Variants in PHACTR1 observed in about 807,000 individuals in gnomAD.
PHACTR1 encodes the protein phosphatase and actin regulator 1, also known as RPEL repeat containing 1.
Under a neutral mutation model 69.2 loss-of-function variants are expected in PHACTR1, and 16 were observed. That is an observed-to-expected ratio of 0.23 (90% CI 0.16 to 0.35). PHACTR1 has a LOEUF of 0.35. Among genes scored for constraint, PHACTR1 ranks in the 10% least tolerant of loss-of-function variants. The pLI, the probability that PHACTR1 is intolerant of heterozygous loss-of-function variation, is 1.00. For missense variants in PHACTR1, 510 were observed against 734.7 expected (o/e 0.69, Z 3.54); for synonymous variants, 312 against 284.5 (o/e 1.10, Z -0.97).
chr6:12,763,947 A>G (rs542429779), intron 4 of PHACTR1, among the ~76,000 whole-genome samples: 2 of 152,178 alleles, frequency 1.3e-5, no homozygotes, highest in African/African-American at 4.8e-5. Context: ...TATTGTTTGG[A>G]AAAAAAGCCC....
intron 4 of PHACTR1, among the ~76,000 whole-genome samples, chr6:13,003,166 A>G (rs893801352): frequency 2.0e-5 from 3 of 152,238 alleles, no homozygotes; most frequent in Admixed American, 6.5e-5. Context: ...AGGACTTCAC[A>G]TAGTTAAAAT....
intron 3 of PHACTR1, among the ~76,000 whole-genome samples, chr6:12,730,955 C>T (rs748144201): frequency 2.6e-5 from 4 of 151,950 alleles, no homozygotes; most frequent in Non-Finnish European, 5.9e-5. Context: ...GGTACATATA[C>T]ACCATGGAAT....
In PHACTR1 at chr6:13,283,208, C is replaced by T. The variant is rs907532636; in HGVS notation, c.1510-214C>T. 17 of 503,660 alleles carry T rather than the reference C, an allele frequency of 3.4e-5. No homozygotes were observed. Among genetic ancestry groups the T allele is most frequent in the Middle Eastern group, 5.4e-4 (1 of 1,862 alleles). The allele number at this position is 503,660 out of a possible 1,614,324, so 31.2% of individuals were successfully genotyped here. A position where few individuals can be genotyped will look rare whatever the true frequency, so the allele number is the denominator to read the frequency against. ...AGGGTATGTAAGGGATAACAAAGCTCTCTCTTAGGACCTAGAAACGTCCCA... is the reference window on the plus strand; with the variant it reads ...AGGGTATGTAAGGGATAACAAAGCTTTCTCTTAGGACCTAGAAACGTCCCA... On this transcript the variant is annotated intron_variant, in intron 12 of 14. Coordinates refer to ENST00000332995, the MANE Select transcript of PHACTR1 (RefSeq NM_030948.6). This position sits in a 1 kb window ranked among gnomAD's most constrained non-coding sequence, Gnocchi z 4.7.
At chr6:13,093,308 C>T (rs1393939843) in intron 5 of PHACTR1, among the ~76,000 whole-genome samples, 1 of 152,126 alleles carries the variant, frequency 6.6e-6, no homozygotes, top group Non-Finnish European at 1.5e-5. Flanking sequence ...GCATATATTG[C>T]AACAACTTAA....
At chr6:13,217,629 A>AC (rs150257921) in intron 8 of PHACTR1, among the ~76,000 whole-genome samples, 2,348 of 152,262 alleles carry the variant, frequency 0.015, 55 homozygotes, top group African/African-American at 0.054. Context: ...GAAAAAAAAA[A>AC]CTCAAAATAC....
chr6:13,226,760 A>G (rs1769802096), intron 8 of PHACTR1, among the ~76,000 whole-genome samples: 1 of 143,464 alleles, frequency 7.0e-6, no homozygotes. Context: ...TTTTTTTGAG[A>G]TGGAGTCTCG....
chr6:12,993,707 A>T (rs182844120), intron 4 of PHACTR1, among the ~76,000 whole-genome samples: 2 of 152,238 alleles, frequency 1.3e-5, no homozygotes, highest in African/African-American at 4.8e-5. Context: ...AGAGGCAGGA[A>T]ATTCCCTATG....
intron 5 of PHACTR1, among the ~76,000 whole-genome samples, chr6:13,060,993 AGGGT>A (rs1223650904): frequency 6.6e-6 from 1 of 152,216 alleles, no homozygotes; most frequent in Non-Finnish European, 1.5e-5. Context: ...AGGTGTTGGC[AGGGT>A]GGGTTCCTTC....
At chr6:13,153,947 G>C (rs1002083339) in intron 5 of PHACTR1, among the ~76,000 whole-genome samples, 3 of 152,018 alleles carry the variant, frequency 2.0e-5, no homozygotes, top group African/African-American at 7.2e-5. Context: ...TTTAACTAAT[G>C]CTTTTGCTAT....
At chr6:13,196,741 G>A (rs1265701497) in intron 7 of PHACTR1, among the ~76,000 whole-genome samples, 2 of 152,142 alleles carry the variant, frequency 1.3e-5, no homozygotes, top group African/African-American at 2.4e-5. Context: ...TTTCAATACC[G>A]ATGTAGTGCG....
intron 5 of PHACTR1, among the ~76,000 whole-genome samples, chr6:13,144,769 T>C (rs1485812519): frequency 3.9e-5 from 1 of 25,782 alleles, no homozygotes; most frequent in Non-Finnish European, 9.1e-5. Flanking sequence ...AGACCCTGTC[T>C]CAGAAAAAAA....
rs189042784 is a variant in PHACTR1, at chr6:13,041,887, A to G, written c.251-11478A>G. On this transcript the variant is annotated intron_variant, in intron 4 of 14. Coordinates refer to ENST00000332995, the MANE Select transcript of PHACTR1 (RefSeq NM_030948.6). The stretch of plus-strand genomic sequence containing the variant: ...AACTTTGTGTGAGTTGCCACATTCT[A>G]GGCAAATCCCTTGACTCCTCTGTGT... 2.2e-3 allele frequency among the ~76,000 whole-genome samples: 341 copies of G among 152,252 alleles called. 2 individuals are homozygous for G. Among genetic ancestry groups the G allele is most frequent in the South Asian group, 7.5e-3 (36 of 4,806 alleles).
intron 4 of PHACTR1, among the ~76,000 whole-genome samples, chr6:13,008,190 A>G (rs1215035483): frequency 1.3e-5 from 2 of 152,216 alleles, no homozygotes; most frequent in Non-Finnish European, 2.9e-5. Context: ...AAGCCAAAGG[A>G]ACTTTCGCTT....
Position 12,863,961 on chromosome 6 carries a change from A to G in PHACTR1, c.250+114171A>G, listed in dbSNP as rs1157025730. Among the ~76,000 whole-genome samples, 4 of 152,196 alleles carry G rather than the reference A, an allele frequency of 2.6e-5. No homozygotes were observed. In the East Asian group the frequency reaches 7.7e-4, roughly 29 times the overall value. Reference sequence around the variant, plus strand: ...CGTAGGAAAGGTAAATGGGTAGTAGAGAGGATACAGTTGTTCGAGTTTCAT... The same window carrying G: ...CGTAGGAAAGGTAAATGGGTAGTAGGGAGGATACAGTTGTTCGAGTTTCAT... On this transcript the variant is annotated intron_variant, in intron 4 of 14. Transcript: ENST00000332995.
intron 8 of PHACTR1, among the ~76,000 whole-genome samples, chr6:13,226,296 T>G (rs574874961): frequency 2.0e-5 from 3 of 152,212 alleles, no homozygotes; most frequent in Non-Finnish European, 4.4e-5. Context: ...GGAAGTTAAT[T>G]GAATTTACAT....
chr6:13,149,374 CA>C (rs1823950674), intron 5 of PHACTR1, among the ~76,000 whole-genome samples: 2 of 152,104 alleles, frequency 1.3e-5, no homozygotes, highest in Non-Finnish European at 2.9e-5. Context: ...TGGCATTTCC[CA>C]AAATTATTTG....
At chr6:12,756,265 TCTTGTAAGGGC>T (rs1282551757) in intron 4 of PHACTR1, among the ~76,000 whole-genome samples, 3 of 152,176 alleles carry the variant, frequency 2.0e-5, no homozygotes, top group Non-Finnish European at 4.4e-5. Context: ...ACAGCCAATG[TCTTGTAAGGGC>T]CTGAAAGAAC....
At chr6:13,200,358 G>T in intron 7 of PHACTR1, among the ~76,000 whole-genome samples, 1 of 152,028 alleles carries the variant, frequency 6.6e-6, no homozygotes, top group East Asian at 1.9e-4. Flanking sequence ...TTGCAGGCAC[G>T]TGCCACCACG....
intron 5 of PHACTR1, among the ~76,000 whole-genome samples, chr6:13,146,343 A>G (rs886782652): frequency 2.6e-5 from 4 of 152,240 alleles, no homozygotes; most frequent in Non-Finnish European, 4.4e-5. Context: ...ATAGCTATGC[A>G]TAGTTATGAT....
Sources: gnomAD v4.1 joint callset for allele counts (sites outside exome capture counted in the v4.1 genomes callset) on GRCh38, gnomAD v4.1.1 for gene constraint, Gnocchi (gnomAD v3.1) non-coding constraint, MANE v1.5 for transcripts, NCBI Gene and HGNC (gene_info 2026-07-23, HGNC 2026-07-21) for gene names.